KRABD5: variants seen among roughly 807,000 people sequenced by gnomAD.
The protein encoded by KRABD5 is KRAB domain containing 5.
At chr16:31,736,215 A>G in the KRABD5 span, among the ~76,000 whole-genome samples, 1 of 152,138 alleles carries the variant, frequency 6.6e-6, no homozygotes, top group Non-Finnish European at 1.5e-5. Context: ...CTTTAGGAGC[A>G]TGAATTTATT....
the KRABD5 span, among the ~76,000 whole-genome samples, chr16:31,716,689 C>T: frequency 6.6e-6 from 1 of 151,830 alleles, no homozygotes; most frequent in Admixed American, 6.6e-5. Flanking sequence ...CCACAAACCC[C>T]TTTTTATGTG....
the KRABD5 span, chr16:31,759,432 T>A: frequency 1.3e-6 from 2 of 1,534,006 alleles, no homozygotes; most frequent in Admixed American, 4.0e-5. Flanking sequence ...CAAGTGAATT[T>A]TCTGAGGGTG....
At chr16:31,742,300 C>G in the KRABD5 span, among the ~76,000 whole-genome samples, 2 of 151,808 alleles carry the variant, frequency 1.3e-5, no homozygotes, top group African/African-American at 4.8e-5. Context: ...TGTCTATGTT[C>G]CTTCCCCTCA....
At chr16:31,755,131 T>G in the KRABD5 span, 1 of 490,796 alleles carries the variant, frequency 2.0e-6, no homozygotes, top group East Asian at 6.2e-5. Flanking sequence ...AGAAACCCTA[T>G]AAATGTAAGG....
the KRABD5 span, chr16:31,713,491 C>T: frequency 6.4e-7 from 1 of 1,573,924 alleles, no homozygotes; most frequent in East Asian, 2.3e-5. Flanking sequence ...TCGGAAGCGG[C>T]GGGAACCCTC....
chr16:31,719,879 A>G, the KRABD5 span, among the ~76,000 whole-genome samples: 2 of 152,232 alleles, frequency 1.3e-5, no homozygotes, highest in African/African-American at 4.8e-5. Flanking sequence ...GTAGTAACAA[A>G]GTCAATGTAA....
chr16:31,748,225 C>T, the KRABD5 span, among the ~76,000 whole-genome samples: 2 of 152,144 alleles, frequency 1.3e-5, no homozygotes, highest in African/African-American at 4.8e-5. Context: ...CCAGCTTTCC[C>T]AGCACCATTT....
At chr16:31,731,640 G>A in the KRABD5 span, among the ~76,000 whole-genome samples, 4 of 152,204 alleles carry the variant, frequency 2.6e-5, no homozygotes, top group East Asian at 7.7e-4. Context: ...GAGCAGAACT[G>A]CTCCCAGACC....
chr16:31,725,353 A>G, the KRABD5 span, among the ~76,000 whole-genome samples: 4 of 152,174 alleles, frequency 2.6e-5, no homozygotes, highest in East Asian at 5.8e-4. Context: ...CCTGGCCTCA[A>G]GTGATCCGCA....
At chr16:31,735,165 T>C in the KRABD5 span, among the ~76,000 whole-genome samples, 2 of 152,138 alleles carry the variant, frequency 1.3e-5, no homozygotes, top group African/African-American at 2.4e-5. Flanking sequence ...TCATGAAGGG[T>C]TTATCTTTCT....
the KRABD5 span, among the ~76,000 whole-genome samples, chr16:31,730,408 A>G: frequency 6.6e-6 from 1 of 152,154 alleles, no homozygotes; most frequent in East Asian, 1.9e-4. Flanking sequence ...TTTCTGCTAA[A>G]AAATCTACTG....
chr16:31,755,466 A>G, the KRABD5 span: 2 of 466,620 alleles, frequency 4.3e-6, no homozygotes, highest in Non-Finnish European at 8.8e-6. Flanking sequence ...GTAAAACTTT[A>G]CAAATGTAAA....
the KRABD5 span, among the ~76,000 whole-genome samples, chr16:31,753,243 T>C: frequency 6.6e-6 from 1 of 152,160 alleles, no homozygotes; most frequent in Non-Finnish European, 1.5e-5. Flanking sequence ...GCCTTTAATC[T>C]CCCCCTTTGT....
the KRABD5 span, among the ~76,000 whole-genome samples, chr16:31,736,383 G>A: frequency 1.6e-4 from 23 of 148,314 alleles, no homozygotes; most frequent in African/African-American, 5.7e-4. Context: ...GCTATTCAGG[G>A]TATTTTGTGG....
At chr16:31,734,419 T>G in the KRABD5 span, among the ~76,000 whole-genome samples, 1 of 152,028 alleles carries the variant, frequency 6.6e-6, no homozygotes, top group East Asian at 1.9e-4. Context: ...CCTGGCTAAT[T>G]TTAAAAAATT....
the KRABD5 span, chr16:31,753,791 C>T: frequency 6.6e-7 from 1 of 1,523,366 alleles, no homozygotes; most frequent in Non-Finnish European, 8.8e-7. Context: ...ATACTCAAGG[C>T]CTCTTAAGAA....
chr16:31,756,559 A>C, the KRABD5 span: 3 of 152,148 alleles, frequency 2.0e-5, no homozygotes, highest in African/African-American at 7.2e-5. Flanking sequence ...AGAGAACTTA[A>C]ACTTCTAATA....
chr16:31,749,732 A>G, the KRABD5 span, among the ~76,000 whole-genome samples: 1 of 151,886 alleles, frequency 6.6e-6, no homozygotes, highest in Non-Finnish European at 1.5e-5. Flanking sequence ...GCCACACCAC[A>G]CTGTTATTAC....
At chr16:31,733,302 G>A in the KRABD5 span, among the ~76,000 whole-genome samples, 4 of 151,606 alleles carry the variant, frequency 2.6e-5, no homozygotes, top group Non-Finnish European at 4.4e-5. Flanking sequence ...ACAATCTATT[G>A]TTTGGATCTA....
Sources: allele counts gnomAD v4.1 joint callset (sites outside exome capture counted in the v4.1 genomes callset), GRCh38; gene constraint gnomAD v4.1.1; transcripts MANE v1.5; gene names NCBI Gene and HGNC (gene_info 2026-07-23, HGNC 2026-07-21).